The following DIP2C variants were observed in gnomAD, a reference collection of about 807,000 sequenced individuals.
DIP2C encodes DIP2 acetate--CoA ligase C (putative), also known as disco-interacting protein 2 homolog C.
A neutral mutation model predicts 192.4 loss-of-function variants in DIP2C; 33 were observed. The ratio of observed to expected loss-of-function variants is 0.17; its 90% confidence interval spans 0.13 to 0.23. The LOEUF is 0.23. DIP2C is among the 10% of genes least tolerant of loss of function. The pLI is 1.00. For synonymous variants in DIP2C, 979 were observed against 864.1 expected (o/e 1.13, Z -2.33); for missense variants, 1,537 against 2,110.1 (o/e 0.73, Z 5.32).
intron 17 of DIP2C, among the ~76,000 whole-genome samples, chr10:375,429 C>T (rs945783127): frequency 6.6e-6 from 1 of 152,200 alleles, no homozygotes; most frequent in Non-Finnish European, 1.5e-5. Context: ...CCAAAATAAA[C>T]CTCTTTTCCT....
At chr10:488,321 A>C (rs1259851144) in intron 1 of DIP2C, among the ~76,000 whole-genome samples, 1 of 152,234 alleles carries the variant, frequency 6.6e-6, no homozygotes, top group African/African-American at 2.4e-5. Context: ...CCGAGCTGCA[A>C]GGCAAGACAG....
chr10:390,963 A>G, intron 10 of DIP2C, 100 bp from the exon 11 acceptor site: 2 of 1,515,510 alleles, frequency 1.3e-6, no homozygotes, highest in East Asian at 2.3e-5. Context: ...TCGAGTCTGC[A>G]GAACCAGGAT....
At chr10:609,762 A>G (rs1422105000) in intron 1 of DIP2C, among the ~76,000 whole-genome samples, 1 of 152,194 alleles carries the variant, frequency 6.6e-6, no homozygotes, top group Non-Finnish European at 1.5e-5. Context: ...GCATTTTTTA[A>G]GAAGTTAAAA....
At chr10:593,286 G>T (rs1851507168) in intron 1 of DIP2C, among the ~76,000 whole-genome samples, 1 of 151,564 alleles carries the variant, frequency 6.6e-6, no homozygotes. Context: ...TCTGACTTCA[G>T]AGCCTGCAAA....
chr10:290,185 C>T (rs968912992), intron 32 of DIP2C, among the ~76,000 whole-genome samples: 1 of 152,232 alleles, frequency 6.6e-6, no homozygotes, highest in Admixed American at 6.5e-5. Flanking sequence ...CAACCATTAA[C>T]TCTGTGGTGT....
intron 1 of DIP2C, among the ~76,000 whole-genome samples, chr10:609,333 G>A (rs973444651): frequency 2.0e-5 from 3 of 152,072 alleles, no homozygotes; most frequent in Non-Finnish European, 4.4e-5. Context: ...CTGGCTGTCA[G>A]AAACTTTTTC....
chr10:452,040 G>A (rs1005447626), intron 3 of DIP2C, among the ~76,000 whole-genome samples: 17 of 152,278 alleles, frequency 1.1e-4, no homozygotes, highest in African/African-American at 2.6e-4. Context: ...GACTCCAGAC[G>A]AGGACAGAGA....
At chr10:567,612 C>T (rs1198956995) in intron 1 of DIP2C, among the ~76,000 whole-genome samples, 3 of 152,192 alleles carry the variant, frequency 2.0e-5, no homozygotes, top group African/African-American at 4.8e-5. Context: ...GCTTACAAGC[C>T]GTGAGCACCA....
chr10:385,185 G>A (rs1266106870), intron 14 of DIP2C, among the ~76,000 whole-genome samples: 3 of 151,612 alleles, frequency 2.0e-5, no homozygotes, highest in African/African-American at 4.9e-5. Flanking sequence ...GGAGCACCAC[G>A]GACACCGGGC....
intron 34 of DIP2C, 134 bp from the exon 35 acceptor site, chr10:283,580 G>A: frequency 8.9e-7 from 1 of 1,118,016 alleles, no homozygotes; most frequent in Non-Finnish European, 1.3e-6. Context: ...TAACCAAGAT[G>A]ATGTTAATCT....
At chr10:552,116 A>G (rs1000483377) in intron 1 of DIP2C, among the ~76,000 whole-genome samples, 5 of 152,112 alleles carry the variant, frequency 3.3e-5, no homozygotes, top group Non-Finnish European at 5.9e-5. Flanking sequence ...GGAGAGACAC[A>G]CTCTGTTGTA....
At chr10:561,387 C>G (rs1030774604) in intron 1 of DIP2C, among the ~76,000 whole-genome samples, 1 of 152,160 alleles carries the variant, frequency 6.6e-6, no homozygotes, top group Non-Finnish European at 1.5e-5. Flanking sequence ...GGACTCCAAC[C>G]CCTGAAGCAG....
rs370437811 is a variant in DIP2C at position 503,223 on chromosome 10, C to T, written c.86-16693G>A. 4.7e-5 allele frequency among the ~76,000 whole-genome samples: 7 copies of T among 150,214 alleles called. No individual in the cohort carries two copies. In the East Asian group the frequency reaches 9.9e-4, roughly 21 times the overall value. Reference sequence around the variant, plus strand: ...TCCAACATAAATCCCGCCAGGACACCGACCTGCGGACTTATCATGATTCCA... The same window carrying T: ...TCCAACATAAATCCCGCCAGGACACTGACCTGCGGACTTATCATGATTCCA... On this transcript the variant is annotated intron_variant, in intron 1 of 36. Transcript: ENST00000280886.
chr10:321,009 G>A (rs1956981255), intron 31 of DIP2C, among the ~76,000 whole-genome samples: 1 of 91,978 alleles, frequency 1.1e-5, no homozygotes, highest in African/African-American at 5.7e-5. Context: ...CAGTGTCCGG[G>A]TTATGAAGCA....
At chr10:486,189 G>A (rs1176615543) in intron 2 of DIP2C, among the ~76,000 whole-genome samples, 2 of 152,170 alleles carry the variant, frequency 1.3e-5, no homozygotes, top group African/African-American at 4.8e-5. Context: ...ATATTTTTAC[G>A]ATTATAGCAT....
At chr10:496,603 A>G (rs1389298470) in intron 1 of DIP2C, among the ~76,000 whole-genome samples, 1 of 149,182 alleles carries the variant, frequency 6.7e-6, no homozygotes, top group African/African-American at 2.5e-5. Context: ...AAATCTGTAC[A>G]TTACTCGCAA....
At chr10:412,308 C>G (rs186523504) in intron 8 of DIP2C, among the ~76,000 whole-genome samples, 1 of 152,192 alleles carries the variant, frequency 6.6e-6, no homozygotes, top group Non-Finnish European at 1.5e-5. Flanking sequence ...CACATGCACC[C>G]GAACAGTTCG....
At position 340,768 on chromosome 10, in the gene DIP2C, C is replaced by T. The variant is rs568516015; in HGVS notation, c.3584+431G>A. On this transcript the variant is annotated intron_variant, in intron 29 of 36. Coordinates refer to ENST00000280886, the MANE Select transcript of DIP2C (RefSeq NM_014974.3). ...CGCACCCCAGGGAACGCTCAGCCCT[C>T]GTGGACTCACCTCTGGGCTTGCCCA... 5.5e-4 allele frequency: 252 copies of T among 457,806 alleles called. 2 individuals are homozygous for T. Among genetic ancestry groups the T allele is most frequent in the South Asian group, 1.5e-4 (10 of 64,576 alleles). 28.4% of individuals were successfully genotyped at this position (457,806 alleles called of 1,614,324 possible).
intron 29 of DIP2C, among the ~76,000 whole-genome samples, chr10:331,110 G>A (rs1320622663): frequency 6.6e-6 from 1 of 151,608 alleles, no homozygotes; most frequent in Non-Finnish European, 1.5e-5. Context: ...GCTGCCATAA[G>A]AGGCCTACGC....
Sources: gnomAD v4.1 joint callset for allele counts (sites outside exome capture counted in the v4.1 genomes callset) on GRCh38, gnomAD v4.1.1 for gene constraint, MANE v1.5 for transcripts, NCBI Gene and HGNC (gene_info 2026-07-23, HGNC 2026-07-21) for gene names.